The following TENM2 variants were observed in gnomAD, a reference collection of about 807,000 sequenced individuals.
The protein encoded by TENM2 is teneurin transmembrane protein 2.
In TENM2, 52 loss-of-function variants were observed where a neutral mutation model predicts 245.2. The observed-to-expected ratio is 0.21, with a 90% CI of 0.17 to 0.27. The LOEUF is 0.27. Among genes scored for constraint, TENM2 ranks in the 10% least tolerant of loss-of-function variants. The probability of loss-of-function intolerance (pLI) is 1.00; values close to 1 mark genes in which losing one functional copy is unlikely to be tolerated. For synonymous variants in TENM2, 1,363 were observed against 1,438.9 expected (o/e 0.95, Z 1.19); for missense variants, 3,046 against 3,666.8 (o/e 0.83, Z 4.37).
At chr5:168,210,251 G>C (rs2152550634) in intron 19 of TENM2, among the ~76,000 whole-genome samples, 1 of 152,008 alleles carries the variant, frequency 6.6e-6, no homozygotes, top group East Asian at 1.9e-4. Context: ...TGATCATTCA[G>C]GCTCTACACT....
chr5:168,174,287 C>A, intron 13 of TENM2, among the ~76,000 whole-genome samples: 1 of 152,120 alleles, frequency 6.6e-6, no homozygotes, highest in Non-Finnish European at 1.5e-5. Context: ...AGTCAAGAGG[C>A]TTTGGGATTT....
intron 2 of TENM2, among the ~76,000 whole-genome samples, chr5:167,597,787 T>G (rs1776324600): frequency 6.6e-6 from 1 of 152,240 alleles, no homozygotes; most frequent in African/African-American, 2.4e-5. Flanking sequence ...TAGTATTCTG[T>G]ACAAATCTCT....
Position 167,770,383 on chromosome 5 carries a change from G to A in TENM2, c.503-105603G>A, listed in dbSNP as rs188925828. On this transcript the variant is annotated intron_variant, in intron 2 of 28. Coordinates refer to ENST00000518659, the Ensembl canonical transcript of TENM2. ...AGAAGTTACGGATGGCTGCAGCCAAGGAAAGCAAGGTCCAAAGTGATTCTG... is the reference window on the plus strand; with the variant it reads ...AGAAGTTACGGATGGCTGCAGCCAAAGAAAGCAAGGTCCAAAGTGATTCTG... 6.6e-5 allele frequency among the ~76,000 whole-genome samples: 10 copies of A among 152,286 alleles called. 1 individual carries two copies. Among genetic ancestry groups the A allele is most frequent in the Admixed American group, 5.2e-4 (8 of 15,292 alleles).
chr5:167,104,236 C>T, the TENM2 span, among the ~76,000 whole-genome samples: 19 of 151,978 alleles, frequency 1.3e-4, no homozygotes, highest in Middle Eastern at 3.4e-3. Flanking sequence ...TTGGCGGGTA[C>T]TCATTAAATA....
intron 2 of TENM2, among the ~76,000 whole-genome samples, chr5:167,523,982 G>C (rs1340229081): frequency 6.6e-6 from 1 of 152,156 alleles, no homozygotes. Context: ...GTATCTTGGA[G>C]ATAATGGTAC....
the TENM2 span, among the ~76,000 whole-genome samples, chr5:167,256,045 C>G: frequency 1.3e-5 from 2 of 152,094 alleles, no homozygotes; most frequent in Non-Finnish European, 2.9e-5. Flanking sequence ...GTTAAACGCT[C>G]TTTATTCCCG....
chr5:167,458,486 CAAAAAAACA>C (rs1199882843), intron 2 of TENM2, among the ~76,000 whole-genome samples: 6 of 35,754 alleles, frequency 1.7e-4, no homozygotes, highest in Non-Finnish European at 1.3e-4. Context: ...GACTCCGTCT[CAAAAAAACA>C]AAAAAAAAAA....
At chr5:168,071,530 C>T (rs981449921) in intron 7 of TENM2, among the ~76,000 whole-genome samples, 1 of 152,128 alleles carries the variant, frequency 6.6e-6, no homozygotes, top group Non-Finnish European at 1.5e-5. Flanking sequence ...TGAGTCTTTG[C>T]TTAATAATAG....
At chr5:167,946,462 C>G (rs1779631534) in intron 3 of TENM2, among the ~76,000 whole-genome samples, 1 of 152,188 alleles carries the variant, frequency 6.6e-6, no homozygotes, top group Non-Finnish European at 1.5e-5. Flanking sequence ...GCCTATTTCT[C>G]CTGATTCAAG....
the TENM2 span, among the ~76,000 whole-genome samples, chr5:167,114,661 A>G: frequency 6.6e-6 from 1 of 152,084 alleles, no homozygotes; most frequent in African/African-American, 2.4e-5. Flanking sequence ...TTTCTTTTTA[A>G]ACAAAACTTT....
At position 167,286,635 on chromosome 5, in the gene TENM2, G is replaced by A. The variant is rs372940137; in HGVS notation, c.226+1572G>A. ...GGTTCAAAGCCTTTCATTTTCTGCT[G>A]TAGTTTTTGTCTCATTTACGTTGTT... On this transcript the variant is annotated intron_variant, in intron 1 of 28. Coordinates refer to ENST00000518659, the Ensembl canonical transcript of TENM2. Among the ~76,000 whole-genome samples the A allele has an allele frequency of 6.6e-5, 10 of 152,184 alleles. No homozygotes were observed. In the East Asian group the frequency reaches 7.7e-4, roughly 12 times the overall value.
chr5:167,471,937 T>G lies in TENM2; in HGVS notation c.502+96464T>G, dbSNP rs573780568. On this transcript the variant is annotated intron_variant, in intron 2 of 28. Coordinates refer to ENST00000518659, the Ensembl canonical transcript of TENM2. ...AATCCTTTTCTTTCTCTGAGCCTTC[T>G]TTTTGAGAATCTCTTCCTTGGTATG... Among the ~76,000 whole-genome samples, 3 of 152,352 alleles carry G rather than the reference T, an allele frequency of 2.0e-5. No homozygotes were observed. The East Asian group carries it at 5.8e-4, about 29-fold the overall frequency.
chr5:167,575,847 A>G (rs923929729), intron 2 of TENM2, among the ~76,000 whole-genome samples: 1 of 152,338 alleles, frequency 6.6e-6, no homozygotes, highest in African/African-American at 2.4e-5. Context: ...GAAACTTTGC[A>G]GAATCTTGAA....
chr5:167,594,801 T>C (rs1582485146), intron 2 of TENM2, among the ~76,000 whole-genome samples: 1 of 152,274 alleles, frequency 6.6e-6, no homozygotes, highest in Admixed American at 6.5e-5. Flanking sequence ...TTATCCCAGA[T>C]GACTAAGAGG....
At chr5:167,920,227 C>T (rs907692347) in intron 3 of TENM2, among the ~76,000 whole-genome samples, 12 of 151,172 alleles carry the variant, frequency 7.9e-5, no homozygotes, top group African/African-American at 2.9e-4. Flanking sequence ...CGCGGTGGCT[C>T]ACACCTGTAA....
chr5:167,451,119 C>G (rs1765555069), intron 2 of TENM2, among the ~76,000 whole-genome samples: 1 of 152,146 alleles, frequency 6.6e-6, no homozygotes, highest in Non-Finnish European at 1.5e-5. Flanking sequence ...TACTTGGTAA[C>G]AGAAGTATTT....
At chr5:168,051,786 A>T (rs975822574) in intron 6 of TENM2, among the ~76,000 whole-genome samples, 2 of 152,124 alleles carry the variant, frequency 1.3e-5, no homozygotes, top group Admixed American at 1.3e-4. Flanking sequence ...ACTCCCTCAT[A>T]AGCTTGCTGT....
At chr5:167,258,231 A>ATATATATATATATATATATATGTG in the TENM2 span, among the ~76,000 whole-genome samples, 3 of 96,002 alleles carry the variant, frequency 3.1e-5, no homozygotes, top group African/African-American at 1.2e-4. Flanking sequence ...ATATATGTGT[A>ATATATATATATATATATATATGTG]TATATATATA....
intron 3 of TENM2, among the ~76,000 whole-genome samples, chr5:167,896,932 G>A (rs1187779941): frequency 2.6e-5 from 4 of 152,188 alleles, no homozygotes; most frequent in Admixed American, 1.3e-4. Context: ...TAGCATGTGC[G>A]TTTCCCCAGC....
Sources: allele counts gnomAD v4.1 joint callset (sites outside exome capture counted in the v4.1 genomes callset), GRCh38; gene constraint gnomAD v4.1.1; transcripts MANE v1.5; gene names NCBI Gene and HGNC (gene_info 2026-07-23, HGNC 2026-07-21).